Variants in PRKAR2A observed in about 807,000 individuals in gnomAD.
PRKAR2A encodes cAMP-dependent protein kinase type II-alpha regulatory subunit.
Under a neutral mutation model 51.9 loss-of-function variants are expected in PRKAR2A, and 29 were observed. That is an observed-to-expected ratio of 0.56 (90% CI 0.42 to 0.76). The LOEUF (loss-of-function observed/expected upper bound fraction) is 0.76. PRKAR2A is among the 30% of genes least tolerant of loss of function. The pLI, the probability that PRKAR2A is intolerant of heterozygous loss-of-function variation, is 0.00. For missense variants in PRKAR2A, 445 were observed against 512.1 expected, an observed-to-expected ratio of 0.87 and a Z score of 1.26; for synonymous variants, 178 against 186.2, an observed-to-expected ratio of 0.96 and a Z score of 0.36.
Position 48,747,940 on chromosome 3 carries a change from G to A in PRKAR2A, c.*3645C>T, listed in dbSNP as rs2081584692. 6.6e-6 allele frequency: 1 copy of A among 152,200 alleles called. No homozygotes were observed. The highest frequency in any genetic ancestry group is 1.5e-5 in the Non-Finnish European group (1 of 68,080). The allele number at this position is 152,200 out of a possible 1,614,324, so 9.4% of individuals were successfully genotyped here. ...TGGCATGCCACCTTTGATTCCCCAT[G>A]CTGCAAAAAGAATTGGAACGCTGTC... On this transcript the variant is annotated 3_prime_UTR_variant, in exon 11 of 11. Coordinates refer to ENST00000265563, the MANE Select transcript of PRKAR2A (RefSeq NM_004157.4).
At chr3:48,823,197 T>C (rs1386182277) in intron 1 of PRKAR2A, among the ~76,000 whole-genome samples, 1 of 152,046 alleles carries the variant, frequency 6.6e-6, no homozygotes, top group Admixed American at 6.6e-5. Flanking sequence ...TAAGCCACTG[T>C]GCCTGGCCCT....
chr3:48,811,729 C>T (rs1346139522), intron 1 of PRKAR2A, among the ~76,000 whole-genome samples: 2 of 151,946 alleles, frequency 1.3e-5, no homozygotes. Flanking sequence ...TAGAGAGCTG[C>T]CGTGGGTGCA....
chr3:48,790,016 G>A (rs1332761266), intron 4 of PRKAR2A, among the ~76,000 whole-genome samples: 1 of 149,670 alleles, frequency 6.7e-6, no homozygotes, highest in East Asian at 2.0e-4. Context: ...CTTATTTTTG[G>A]CATATCCGAA....
At chr3:48,759,981 T>G (rs2107216003) in intron 8 of PRKAR2A, among the ~76,000 whole-genome samples, 1 of 152,344 alleles carries the variant, frequency 6.6e-6, no homozygotes, top group Non-Finnish European at 1.5e-5. Flanking sequence ...TAAAGCCACC[T>G]TCTGTCTACA....
At chr3:48,780,207 T>G (rs2107279964) in intron 5 of PRKAR2A, among the ~76,000 whole-genome samples, 1 of 152,142 alleles carries the variant, frequency 6.6e-6, no homozygotes, top group East Asian at 1.9e-4. Flanking sequence ...TTGTAGAATT[T>G]CTGTGTAAGA....
chr3:48,800,623 T>G (rs1486715747), intron 2 of PRKAR2A, among the ~76,000 whole-genome samples: 4 of 152,108 alleles, frequency 2.6e-5, no homozygotes, highest in African/African-American at 9.7e-5. Flanking sequence ...TATCACTTGA[T>G]GTAGAGGGAC....
chr3:48,809,485 A>C (rs1222758025), intron 1 of PRKAR2A, among the ~76,000 whole-genome samples: 2 of 146,554 alleles, frequency 1.4e-5, no homozygotes, highest in Non-Finnish European at 3.0e-5. Flanking sequence ...AATCCTAGCT[A>C]TTCAGGAGTC....
At chr3:48,792,708 G>A (rs1029015833) in intron 3 of PRKAR2A, among the ~76,000 whole-genome samples, 24 of 151,932 alleles carry the variant, frequency 1.6e-4, no homozygotes, top group African/African-American at 2.9e-4. Flanking sequence ...TGATCCACCC[G>A]CCTCGGCCTC....
intron 5 of PRKAR2A, among the ~76,000 whole-genome samples, chr3:48,781,723 G>A (rs1364532708): frequency 1.3e-5 from 2 of 152,126 alleles, no homozygotes; most frequent in Non-Finnish European, 2.9e-5. Flanking sequence ...ACGTTGGCCA[G>A]GCTGGTCTCG....
intron 1 of PRKAR2A, among the ~76,000 whole-genome samples, chr3:48,834,251 T>C (rs2083243361): frequency 6.6e-6 from 1 of 151,776 alleles, no homozygotes; most frequent in South Asian, 2.1e-4. Context: ...TTCTCATACC[T>C]CTTCATACCT....
At chr3:48,795,018 C>T (rs1415631907) in intron 2 of PRKAR2A, among the ~76,000 whole-genome samples, 2 of 151,620 alleles carry the variant, frequency 1.3e-5, no homozygotes, top group Non-Finnish European at 2.9e-5. Flanking sequence ...GCTCTGTCAC[C>T]CAAGCTGGAG....
intron 2 of PRKAR2A, among the ~76,000 whole-genome samples, chr3:48,800,347 T>TA (rs1201744815): frequency 1.3e-5 from 2 of 151,010 alleles, no homozygotes; most frequent in Admixed American, 1.3e-4. Context: ...ACCCTGTCTC[T>TA]ACTAAAAATA....
At chr3:48,838,391 G>A (rs2083319684) in intron 1 of PRKAR2A, among the ~76,000 whole-genome samples, 1 of 151,972 alleles carries the variant, frequency 6.6e-6, no homozygotes, top group Non-Finnish European at 1.5e-5. Context: ...CAGATCACCT[G>A]AGGTTGGGAG....
intron 2 of PRKAR2A, among the ~76,000 whole-genome samples, chr3:48,804,069 G>A (rs905259277): frequency 1.3e-5 from 2 of 152,158 alleles, no homozygotes; most frequent in Non-Finnish European, 2.9e-5. Flanking sequence ...CAGTCAATAA[G>A]GCTATCTATT....
intron 1 of PRKAR2A, among the ~76,000 whole-genome samples, chr3:48,824,542 T>TAAGAAAGA (rs200913812): frequency 1.1e-3 from 131 of 123,976 alleles, no homozygotes; most frequent in South Asian, 1.8e-3. Flanking sequence ...TCCAAAATCA[T>TAAGAAAGA]AAGAAAGAAA....
rs555354524 is a variant in PRKAR2A at position 48,814,224 on chromosome 3, G to A, written c.263-6540C>T. Among the ~76,000 whole-genome samples, 262 of 151,982 alleles carry A rather than the reference G, an allele frequency of 1.7e-3. 1 individual carries two copies. The highest frequency in any genetic ancestry group is 3.3e-3 in the Non-Finnish European group (225 of 67,978). Reference sequence around the variant, plus strand: ...GATAGTGCCACTGCACTCCAGTCTGGCGACAGAGCGAGAATCCGTCTCAAA... The same window carrying A: ...GATAGTGCCACTGCACTCCAGTCTGACGACAGAGCGAGAATCCGTCTCAAA... On this transcript the variant is annotated intron_variant, in intron 1 of 10. Coordinates refer to ENST00000265563, the MANE Select transcript of PRKAR2A (RefSeq NM_004157.4).
At chr3:48,793,756 T>C (rs1458273546) in intron 3 of PRKAR2A, among the ~76,000 whole-genome samples, 1 of 152,092 alleles carries the variant, frequency 6.6e-6, no homozygotes, top group African/African-American at 2.4e-5. Context: ...CCTCTCAAAG[T>C]GTTCGGATTA....
intron 1 of PRKAR2A, among the ~76,000 whole-genome samples, chr3:48,821,760 ACAAAAAC>A (rs1355016994): frequency 6.7e-6 from 1 of 149,126 alleles, no homozygotes; most frequent in African/African-American, 2.5e-5. Context: ...TACTAAAAAT[ACAAAAAC>A]TAGCCGGGCA....
intron 1 of PRKAR2A, among the ~76,000 whole-genome samples, chr3:48,817,156 G>A (rs1170588577): frequency 8.0e-5 from 12 of 150,654 alleles, no homozygotes; most frequent in East Asian, 2.0e-4. Context: ...GTGAAACCCC[G>A]TCTCTACTAA....
Sources: gnomAD v4.1 joint callset for allele counts (sites outside exome capture counted in the v4.1 genomes callset) on GRCh38, gnomAD v4.1.1 for gene constraint, MANE v1.5 for transcripts, NCBI Gene and HGNC (gene_info 2026-07-23, HGNC 2026-07-21) for gene names.